MEI4: variants seen among roughly 807,000 people sequenced by gnomAD.
MEI4 encodes meiosis-specific protein MEI4.
MEI4 carries 27 observed loss-of-function variants against 31.4 expected under a neutral mutation model. The observed-to-expected ratio is 0.86, with a 90% CI of 0.63 to 1.19. The LOEUF (loss-of-function observed/expected upper bound fraction) is 1.19, where lower values mean the gene tolerates loss of function less well. MEI4 is among the 50% of genes most tolerant of loss of function. The probability of loss-of-function intolerance (pLI) is 0.00; values close to 1 mark genes in which losing one functional copy is unlikely to be tolerated. For missense variants in MEI4, 329 were observed against 398.9 expected (o/e 0.82, Z 1.49); for synonymous variants, 122 against 145.4 (o/e 0.84, Z 1.16).
chr6:77,679,158 TA>T (rs777089767), intron 1 of MEI4, among the ~76,000 whole-genome samples: 14 of 152,184 alleles, frequency 9.2e-5, no homozygotes, highest in Non-Finnish European at 1.8e-4. Flanking sequence ...GAAAAAATTT[TA>T]AATATATTTA....
chr6:77,713,229 T>C (rs910349643), intron 2 of MEI4, among the ~76,000 whole-genome samples: 1 of 152,154 alleles, frequency 6.6e-6, no homozygotes, highest in South Asian at 2.1e-4. Context: ...GAGGAACTTA[T>C]GGTTAAGGAT....
chr6:77,885,621 A>G (rs917126508), intron 4 of MEI4, among the ~76,000 whole-genome samples: 1 of 152,096 alleles, frequency 6.6e-6, no homozygotes, highest in African/African-American at 2.4e-5. Context: ...GCAAAGAGGG[A>G]TAATTTAACT....
chr6:77,794,186 A>C (rs1169327905), intron 3 of MEI4, among the ~76,000 whole-genome samples: 1 of 152,178 alleles, frequency 6.6e-6, no homozygotes, highest in African/African-American at 2.4e-5. Context: ...TTTTATTCTA[A>C]ACTGACACAG....
At chr6:77,752,647 T>C (rs1161426274) in intron 2 of MEI4, among the ~76,000 whole-genome samples, 1 of 152,216 alleles carries the variant, frequency 6.6e-6, no homozygotes, top group Non-Finnish European at 1.5e-5. Context: ...TGCTCATTGA[T>C]AGGAAGAATC....
intron 4 of MEI4, among the ~76,000 whole-genome samples, chr6:77,873,596 C>G (rs1323394358): frequency 1.3e-5 from 2 of 152,196 alleles, no homozygotes; most frequent in African/African-American, 4.8e-5. Context: ...TGTGCAGAAG[C>G]TCTTTAGTTG....
chr6:77,761,934 T>C (rs979825601), intron 3 of MEI4, among the ~76,000 whole-genome samples: 2 of 152,214 alleles, frequency 1.3e-5, no homozygotes, highest in African/African-American at 4.8e-5. Context: ...ATCAGCACCC[T>C]TGGATTCTTT....
chr6:77,880,951 A>T (rs1056754280), intron 4 of MEI4, among the ~76,000 whole-genome samples: 1 of 152,068 alleles, frequency 6.6e-6, no homozygotes, highest in Admixed American at 6.6e-5. Flanking sequence ...TTAAATTAAA[A>T]TTAAAAATCA....
At chr6:77,736,771 A>G (rs1413809855) in intron 2 of MEI4, among the ~76,000 whole-genome samples, 2 of 152,106 alleles carry the variant, frequency 1.3e-5, no homozygotes, top group Non-Finnish European at 1.5e-5. Flanking sequence ...TTACATCATT[A>G]ATTGTACCCA....
intron 4 of MEI4, among the ~76,000 whole-genome samples, chr6:77,914,053 C>T (rs778839889): frequency 9.4e-5 from 12 of 127,176 alleles, no homozygotes; most frequent in Admixed American, 1.6e-4. Context: ...AAAAAACTTT[C>T]GTTGATGTTT....
At chr6:77,732,537 A>T (rs1451306698) in intron 2 of MEI4, among the ~76,000 whole-genome samples, 1 of 151,826 alleles carries the variant, frequency 6.6e-6, no homozygotes, top group Non-Finnish European at 1.5e-5. Flanking sequence ...GGCTGAGACA[A>T]GGGGTTTTCC....
chr6:77,823,811 A>G (rs1769882651), intron 3 of MEI4, among the ~76,000 whole-genome samples: 1 of 152,204 alleles, frequency 6.6e-6, no homozygotes, highest in Non-Finnish European at 1.5e-5. Context: ...GCATTACTGC[A>G]TCAGCCATCA....
At chr6:77,682,409 A>C (rs2127649604) in intron 1 of MEI4, among the ~76,000 whole-genome samples, 1 of 152,296 alleles carries the variant, frequency 6.6e-6, no homozygotes, top group African/African-American at 2.4e-5. Context: ...TTTACTCAAT[A>C]ATTATTTTGG....
At chr6:77,821,695 C>T (rs13216232) in intron 3 of MEI4, among the ~76,000 whole-genome samples, 9 of 149,880 alleles carry the variant, frequency 6.0e-5, no homozygotes, top group East Asian at 2.0e-4. Context: ...CTCAGGAGGC[C>T]GAGGCAGGAG....
At chr6:77,750,519 A>G (rs1375503513) in intron 2 of MEI4, among the ~76,000 whole-genome samples, 1 of 152,206 alleles carries the variant, frequency 6.6e-6, no homozygotes, top group African/African-American at 2.4e-5. Context: ...AAAAGAGACA[A>G]AGAAGGCCAT....
chr6:77,923,189 C>G lies in MEI4; in HGVS notation c.1001C>G (p.Ser334Ter), dbSNP rs1429029030. ...AAGGAAACCGAAGAAGGCAACACTT[C>G]AAGTATAGGTCATGATGACCAAGAA... ...LQKETEEGNT[S>*]SIGHDDQEIK... The change falls in exon 5 of 5, where the codon TCA (serine) becomes TGA (stop). Residue 334 changes from serine (S) to a stop codon, truncating the protein, a stop_gained. Transcript: ENST00000684080. LOFTEE classifies it high-confidence loss of function. 3 of 1,230,460 alleles carry G rather than the reference C, an allele frequency of 2.4e-6. No individual in the cohort carries two copies. The highest frequency in any genetic ancestry group is 3.0e-6 in the Non-Finnish European group (3 of 986,942). The allele number at this position is 1,230,460 out of a possible 1,614,324, so 76.2% of individuals were successfully genotyped here.
chr6:77,851,176 T>G (rs1047156426), intron 4 of MEI4, among the ~76,000 whole-genome samples: 4 of 152,278 alleles, frequency 2.6e-5, no homozygotes, highest in Admixed American at 1.3e-4. Context: ...GGAACACTTT[T>G]ACACTGTTGG....
chr6:77,708,410 C>T (rs1017810322), intron 2 of MEI4, among the ~76,000 whole-genome samples: 4 of 152,202 alleles, frequency 2.6e-5, no homozygotes, highest in Non-Finnish European at 5.9e-5. Context: ...TTTGATTTTA[C>T]AGGCTCATAG....
intron 4 of MEI4, among the ~76,000 whole-genome samples, chr6:77,882,235 C>T (rs957730369): frequency 2.0e-5 from 3 of 152,122 alleles, no homozygotes; most frequent in Non-Finnish European, 2.9e-5. Flanking sequence ...GTGCATCACC[C>T]CCCCAGTGTA....
At chr6:77,889,120 A>G (rs926830508) in intron 4 of MEI4, among the ~76,000 whole-genome samples, 1 of 152,098 alleles carries the variant, frequency 6.6e-6, no homozygotes, top group African/African-American at 2.4e-5. Context: ...TACCACAGAG[A>G]GTGGGATGCT....
Sources: gnomAD v4.1 joint callset for allele counts (sites outside exome capture counted in the v4.1 genomes callset) on GRCh38, gnomAD v4.1.1 for gene constraint, MANE v1.5 for transcripts, NCBI Gene and HGNC (gene_info 2026-07-23, HGNC 2026-07-21) for gene names.